The following NINL variants were observed in gnomAD, a reference collection of about 807,000 sequenced individuals.
NINL encodes ninein-like protein.
Under a neutral mutation model 160.3 loss-of-function variants are expected in NINL, and 153 were observed. That is an observed-to-expected ratio of 0.95 (90% CI 0.84 to 1.09). The LOEUF is 1.09. Among genes scored for constraint, NINL ranks in the 50% least tolerant of loss-of-function variants. The pLI is 0.00. For missense variants in NINL, 1,829 were observed against 1,764.0 expected (o/e 1.04, Z -0.66); for synonymous variants, 800 against 734.8 (o/e 1.09, Z -1.43).
intron 23 of NINL, among the ~76,000 whole-genome samples, 166 bp downstream of exon 23, chr20:25,455,507 G>A (rs920604913): frequency 4.6e-5 from 7 of 152,192 alleles, no homozygotes; most frequent in Admixed American, 2.6e-4. Context: ...AACCATTCCC[G>A]GAGGAAAATA....
intron 1 of NINL, among the ~76,000 whole-genome samples, chr20:25,558,162 A>G (rs2064891166): frequency 6.6e-6 from 1 of 152,164 alleles, no homozygotes; most frequent in Non-Finnish European, 1.5e-5. Flanking sequence ...AAAAACAAAG[A>G]TAAACATGCT....
chr20:25,515,664 T>C (rs968144189), intron 3 of NINL, among the ~76,000 whole-genome samples: 1 of 152,158 alleles, frequency 6.6e-6, no homozygotes, highest in Admixed American at 6.5e-5. Context: ...AGGAAGGGCC[T>C]GGTAGGAGGT....
rs527452852 is a variant in NINL at position 25,468,794 on chromosome 20, CT to C, written c.3353+1196del. Among the ~76,000 whole-genome samples the C allele has an allele frequency of 9.5e-3, 1,250 of 131,154 alleles. 54 individuals are homozygous for C. The highest frequency in any genetic ancestry group is 0.036 in the African/African-American group (1,168 of 32,536). The allele number at this position is 131,154 out of a possible 152,430, so 86.0% of individuals were successfully genotyped here. On this transcript the variant is annotated intron_variant, in intron 18 of 23. Transcript: ENST00000278886. ...GTGGGCGCCCGCTTGCCCTGTCCCCCTGACTCTCACTGGTGGGCACCCCCCT... is the reference window on the plus strand; with the variant it reads ...GTGGGCGCCCGCTTGCCCTGTCCCCCGACTCTCACTGGTGGGCACCCCCCT...
chr20:25,491,787 A>AGG (rs2063646534), intron 10 of NINL, among the ~76,000 whole-genome samples: 1 of 152,346 alleles, frequency 6.6e-6, no homozygotes, highest in Non-Finnish European at 1.5e-5. Context: ...CCTCACAGCG[A>AGG]GGAGCACAGC....
chr20:25,472,324 G>GATAT (rs56260321), intron 17 of NINL, among the ~76,000 whole-genome samples: 4,287 of 83,072 alleles, frequency 0.052, 147 homozygotes, highest in Non-Finnish European at 0.066. Context: ...GGGAGGAGAG[G>GATAT]ATATATATAT....
In NINL at chr20:25,470,137, C is replaced by T. The variant is rs756387146; in HGVS notation, c.3249-42G>A. On this transcript the variant is annotated intron_variant, in intron 17 of 23. Coordinates refer to ENST00000278886, the MANE Select transcript of NINL (RefSeq NM_025176.6). ...AAAAGACCGGTGAGCACTTGGGGAGCCACATGTGGTCACGGAGGCTGGCTC... is the reference window on the plus strand; with the variant it reads ...AAAAGACCGGTGAGCACTTGGGGAGTCACATGTGGTCACGGAGGCTGGCTC... The T allele has an allele frequency of 1.4e-5, 21 of 1,519,734 alleles. No individual in the cohort carries two copies. In the African/African-American group the frequency reaches 2.2e-4, roughly 16 times the overall value. The allele number at this position is 1,519,734 out of a possible 1,614,324, so 94.1% of individuals were successfully genotyped here.
chr20:25,578,460 A>G (rs2065139894), intron 1 of NINL, among the ~76,000 whole-genome samples: 1 of 152,060 alleles, frequency 6.6e-6, no homozygotes, highest in Non-Finnish European at 1.5e-5. Flanking sequence ...ACAAAAAGCA[A>G]AGCACAATTC....
At chr20:25,479,673 C>T (rs1165061578) in intron 15 of NINL, among the ~76,000 whole-genome samples, 1 of 152,216 alleles carries the variant, frequency 6.6e-6, no homozygotes, top group Non-Finnish European at 1.5e-5. Flanking sequence ...GACGGAGGAA[C>T]TGGACACACA....
intron 13 of NINL, among the ~76,000 whole-genome samples, chr20:25,483,163 G>T (rs6037126): frequency 0.47 from 68,835 of 147,234 alleles, 17,025 homozygotes; most frequent in East Asian, 0.92. Context: ...CGAAACCCCG[G>T]TCTCTACTAA....
At chr20:25,540,402 C>A (rs1167663289) in intron 1 of NINL, among the ~76,000 whole-genome samples, 1 of 152,192 alleles carries the variant, frequency 6.6e-6, no homozygotes, top group Non-Finnish European at 1.5e-5. Context: ...CAGGACAGTG[C>A]AGCCCTCTGG....
intron 1 of NINL, among the ~76,000 whole-genome samples, chr20:25,577,161 G>C (rs2065124380): frequency 6.6e-6 from 1 of 152,252 alleles, no homozygotes; most frequent in Admixed American, 6.5e-5. Context: ...TTGGAGAGCA[G>C]TGACAACGTT....
chr20:25,510,605 A>G, intron 5 of NINL, 69 bp downstream of exon 5: 1 of 1,370,510 alleles, frequency 7.3e-7, no homozygotes, highest in Non-Finnish European at 1.0e-6. Flanking sequence ...CTGCCCAATG[A>G]CCCGGCTGTT....
chr20:25,520,440 T>C (rs1329650855), intron 2 of NINL, among the ~76,000 whole-genome samples: 1 of 152,266 alleles, frequency 6.6e-6, no homozygotes, highest in Non-Finnish European at 1.5e-5. Context: ...CAGACACCTC[T>C]GCCTGGGACA....
At position 25,478,908 on chromosome 20, in the gene NINL, A is replaced by G; in HGVS notation, c.2201+15T>C. 1 of 1,494,252 alleles carries G rather than the reference A, an allele frequency of 6.7e-7. No homozygotes were observed. Among genetic ancestry groups the G allele is most frequent in the East Asian group, 2.3e-5 (1 of 43,624 alleles). The allele number at this position is 1,494,252 out of a possible 1,614,324, so 92.6% of individuals were successfully genotyped here. Reference sequence around the variant, plus strand: ...GAAACCCCAGACTTGAAATCTCAAAAGAAGCTGGCTGGACCTGATCTGCTG... The same window carrying G: ...GAAACCCCAGACTTGAAATCTCAAAGGAAGCTGGCTGGACCTGATCTGCTG... On this transcript the variant is annotated intron_variant, in intron 16 of 23. Coordinates refer to ENST00000278886, the MANE Select transcript of NINL (RefSeq NM_025176.6).
At chr20:25,569,499 A>C (rs916968389) in intron 1 of NINL, among the ~76,000 whole-genome samples, 2 of 152,220 alleles carry the variant, frequency 1.3e-5, no homozygotes, top group Admixed American at 6.5e-5. Flanking sequence ...CTGGTGCAGA[A>C]GCCACTGCAT....
At chr20:25,480,905 G>A (rs1313229221) in intron 14 of NINL, among the ~76,000 whole-genome samples, 1 of 152,138 alleles carries the variant, frequency 6.6e-6, no homozygotes, top group Admixed American at 6.5e-5. Context: ...GGATATGTGC[G>A]TTTCTGGGAT....
At chr20:25,458,632 G>A in intron 21 of NINL, 103 bp from the exon 22 acceptor site, 2 of 1,243,564 alleles carry the variant, frequency 1.6e-6, no homozygotes, top group Non-Finnish European at 2.2e-6. Flanking sequence ...GGCAAGGAAA[G>A]CGTGTGCTCC....
chr20:25,538,509 T>C (rs1189694646), intron 1 of NINL, among the ~76,000 whole-genome samples: 1 of 152,196 alleles, frequency 6.6e-6, no homozygotes, highest in African/African-American at 2.4e-5. Flanking sequence ...GGACCTGGTG[T>C]AGATGGTGGG....
chr20:25,561,180 G>C (rs1056570469), intron 1 of NINL, among the ~76,000 whole-genome samples: 1 of 152,078 alleles, frequency 6.6e-6, no homozygotes, highest in African/African-American at 2.4e-5. Flanking sequence ...GCGATTGCAG[G>C]CGCGCGCCGC....
Sources: gnomAD v4.1 joint callset for allele counts (sites outside exome capture counted in the v4.1 genomes callset) on GRCh38, gnomAD v4.1.1 for gene constraint, MANE v1.5 for transcripts, NCBI Gene and HGNC (gene_info 2026-07-23, HGNC 2026-07-21) for gene names.